Variants in MAPK4 observed in about 807,000 individuals in gnomAD.
MAPK4 encodes the protein mitogen-activated protein kinase 4.
Under a neutral mutation model 47.7 loss-of-function variants are expected in MAPK4, and 22 were observed. The observed-to-expected ratio is 0.46, with a 90% CI of 0.33 to 0.66. The LOEUF (loss-of-function observed/expected upper bound fraction) is 0.66. Ranked by LOEUF, MAPK4 falls within the 30% of genes least tolerant of loss-of-function variation. MAPK4 has a pLI of 0.02. For missense variants in MAPK4, 736 were observed against 831.7 expected (o/e 0.88, Z 1.42); for synonymous variants, 390 against 365.7 (o/e 1.07, Z -0.76).
At chr18:50,601,204 C>T (rs946645608) in intron 1 of MAPK4, among the ~76,000 whole-genome samples, 5 of 151,424 alleles carry the variant, frequency 3.3e-5, no homozygotes, top group East Asian at 3.9e-4. Flanking sequence ...CATGGTGGCG[C>T]GTGCCTGTGG....
At chr18:50,700,124 T>C (rs1437873489) in intron 2 of MAPK4, among the ~76,000 whole-genome samples, 1 of 152,102 alleles carries the variant, frequency 6.6e-6, no homozygotes, top group African/African-American at 2.4e-5. Flanking sequence ...ACCACGTGGC[T>C]CAAAGCCCAA....
At chr18:50,589,728 G>T (rs559234431) in intron 1 of MAPK4, among the ~76,000 whole-genome samples, 1 of 152,192 alleles carries the variant, frequency 6.6e-6, no homozygotes, top group African/African-American at 2.4e-5. Context: ...GGCTAGAAAT[G>T]GTTCTCTTTC....
Position 50,636,131 on chromosome 18 carries a change from T to C in MAPK4, c.-870-26958T>C, listed in dbSNP as rs762492244. On this transcript the variant is annotated intron_variant, in intron 1 of 5. Coordinates refer to ENST00000400384, the MANE Select transcript of MAPK4 (RefSeq NM_002747.4). ...CACTTTCTCCCTCTCCCTCCTTGCC[T>C]AGTTAATTTCTGCTTATTCTTCAGT... 1.3e-3 allele frequency among the ~76,000 whole-genome samples: 205 copies of C among 152,334 alleles called. 1 individual carries two copies. The highest frequency in any genetic ancestry group is 2.4e-3 in the Non-Finnish European group (166 of 68,036).
At chr18:50,650,809 CT>C (rs2043040396) in intron 1 of MAPK4, among the ~76,000 whole-genome samples, 1 of 152,214 alleles carries the variant, frequency 6.6e-6, no homozygotes, top group Non-Finnish European at 1.5e-5. Flanking sequence ...TCTTTCTTTC[CT>C]GATAGAAAGT....
At chr18:50,649,784 C>T (rs1447760479) in intron 1 of MAPK4, among the ~76,000 whole-genome samples, 1 of 152,196 alleles carries the variant, frequency 6.6e-6, no homozygotes, top group Non-Finnish European at 1.5e-5. Flanking sequence ...CTGCCCAAAC[C>T]CATTGACTTC....
chr18:50,592,772 A>G (rs186186909), intron 1 of MAPK4, among the ~76,000 whole-genome samples: 1 of 152,366 alleles, frequency 6.6e-6, no homozygotes, highest in Non-Finnish European at 1.5e-5. Context: ...GGATCTTAGC[A>G]TTGAAAAAAG....
chr18:50,574,859 T>C (rs1598786900), intron 1 of MAPK4, among the ~76,000 whole-genome samples: 1 of 152,266 alleles, frequency 6.6e-6, no homozygotes, highest in East Asian at 1.9e-4. Context: ...AAAATCACCC[T>C]CACTTGTTGG....
At chr18:50,609,779 G>C (rs1240361925) in intron 1 of MAPK4, among the ~76,000 whole-genome samples, 1 of 152,066 alleles carries the variant, frequency 6.6e-6, no homozygotes, top group African/African-American at 2.4e-5. Flanking sequence ...AGACAGTTTG[G>C]CTCTAAGGCC....
intron 2 of MAPK4, among the ~76,000 whole-genome samples, chr18:50,677,624 C>T (rs1908352551): frequency 6.6e-6 from 1 of 151,882 alleles, no homozygotes; most frequent in African/African-American, 2.4e-5. Context: ...CAGATCATAG[C>T]TCACTGCAGA....
At chr18:50,646,402 T>C (rs2042989576) in intron 1 of MAPK4, among the ~76,000 whole-genome samples, 3 of 152,180 alleles carry the variant, frequency 2.0e-5, no homozygotes, top group African/African-American at 7.2e-5. Flanking sequence ...TCAGAGTGAC[T>C]TCGTCCTATT....
In MAPK4 at chr18:50,563,588, G is replaced by GT. The variant is rs201672747; in HGVS notation, c.-871+3351dup. Among the ~76,000 whole-genome samples, 133 of 152,262 alleles carry GT rather than the reference G, an allele frequency of 8.7e-4. 2 individuals carry two copies. In the East Asian group the frequency reaches 0.022, roughly 26 times the overall value. ...AGCCATTCTTTCAAGCATTCCTGGA[G>GT]TTTTTTCACCTGAGCTGAACTTGAC... On this transcript the variant is annotated intron_variant, in intron 1 of 5. Transcript: ENST00000400384.
chr18:50,575,004 T>C (rs1401502406), intron 1 of MAPK4, among the ~76,000 whole-genome samples: 1 of 152,222 alleles, frequency 6.6e-6, no homozygotes, highest in Non-Finnish European at 1.5e-5. Flanking sequence ...GCAGAGGCCA[T>C]GGATGCTCTG....
At chr18:50,623,181 A>T (rs984526247) in intron 1 of MAPK4, among the ~76,000 whole-genome samples, 6 of 152,134 alleles carry the variant, frequency 3.9e-5, no homozygotes, top group Non-Finnish European at 7.3e-5. Context: ...TTTGGCAGAG[A>T]TGGGGGAAAC....
intron 1 of MAPK4, among the ~76,000 whole-genome samples, chr18:50,641,531 C>T (rs2042941385): frequency 6.6e-6 from 1 of 152,074 alleles, no homozygotes; most frequent in South Asian, 2.1e-4. Context: ...ACCAAAATAA[C>T]ACTCAAATAT....
chr18:50,562,149 A>G (rs1282369622), intron 1 of MAPK4, among the ~76,000 whole-genome samples: 5 of 152,216 alleles, frequency 3.3e-5, no homozygotes, highest in African/African-American at 1.2e-4. Context: ...TTCATGTCAG[A>G]AATTAATTGC....
At chr18:50,704,711 G>T in intron 2 of MAPK4, 1 of 398,684 alleles carries the variant, frequency 2.5e-6, no homozygotes, top group Non-Finnish European at 4.4e-6. Flanking sequence ...TTGGGGCCTG[G>T]AGGCCTAATG....
At chr18:50,651,886 G>A (rs570971934) in intron 1 of MAPK4, among the ~76,000 whole-genome samples, 20 of 152,326 alleles carry the variant, frequency 1.3e-4, no homozygotes, top group Non-Finnish European at 2.2e-4. Context: ...ACCTCTTCCC[G>A]TGTGAAGGCC....
At position 50,729,862 on chromosome 18, in the gene MAPK4, GGGGCCGCTCC is replaced by G. The variant is rs1911460253; in HGVS notation, c.*9_*18del. The G allele has an allele frequency of 1.3e-6, 2 of 1,597,802 alleles. No homozygotes were observed. Among genetic ancestry groups the G allele is most frequent in the African/African-American group, 2.7e-5 (2 of 74,594 alleles). On this transcript the variant is annotated 3_prime_UTR_variant, in exon 6 of 6. Coordinates refer to ENST00000400384, the MANE Select transcript of MAPK4 (RefSeq NM_002747.4). The stretch of plus-strand genomic sequence containing the variant: ...TCCAAAGAAAGGTGGTGAGGGCGGA[GGGGCCGCTCC>G]AGGCCCCACAGAGCAGGAGACCCCC...
intron 2 of MAPK4, among the ~76,000 whole-genome samples, chr18:50,677,360 C>G (rs1236231210): frequency 6.6e-6 from 1 of 152,178 alleles, no homozygotes. Flanking sequence ...GGTTTTATCA[C>G]AGTAACCTTT....
Sources: allele counts gnomAD v4.1 joint callset (sites outside exome capture counted in the v4.1 genomes callset), GRCh38; gene constraint gnomAD v4.1.1; transcripts MANE v1.5; gene names NCBI Gene and HGNC (gene_info 2026-07-23, HGNC 2026-07-21).